TARBP2: variants seen among roughly 807,000 people sequenced by gnomAD.
The protein encoded by TARBP2 is RISC-loading complex subunit TARBP2.
In TARBP2, 23 loss-of-function variants were observed where a neutral mutation model predicts 40.4. The observed-to-expected ratio is 0.57, with a 90% CI of 0.41 to 0.81. The LOEUF is 0.81. Among genes scored for constraint, TARBP2 ranks in the 30% least tolerant of loss-of-function variants. The pLI, the probability that TARBP2 is intolerant of heterozygous loss-of-function variation, is 0.00. For missense variants in TARBP2, 358 were observed against 473.7 expected, an observed-to-expected ratio of 0.76 and a Z score of 2.27; for synonymous variants, 183 against 190.5, an observed-to-expected ratio of 0.96 and a Z score of 0.32.
chr12:53,502,797 C>A, intron 2 of TARBP2: 1 of 407,572 alleles, frequency 2.5e-6, no homozygotes, highest in Non-Finnish European at 4.5e-6. Context: ...CCACCCAAGG[C>A]GTTTGAGCTC....
intron 1 of TARBP2, 147 bp downstream of exon 1, chr12:53,501,608 G>T: frequency 6.8e-7 from 1 of 1,471,276 alleles, no homozygotes. Flanking sequence ...CGTGCACCGG[G>T]GCAGTGGCTG....
chr12:53,503,538 C>T (rs1222137335), intron 3 of TARBP2, 175 bp from the exon 4 acceptor site: 7 of 602,060 alleles, frequency 1.2e-5, no homozygotes, highest in South Asian at 6.1e-5. Flanking sequence ...GTCTTTTCGC[C>T]GGTGTTTGGC....
At chr12:53,502,377 G>T in intron 2 of TARBP2, 193 bp downstream of exon 2, 1 of 666,818 alleles carries the variant, frequency 1.5e-6, no homozygotes, top group Non-Finnish European at 2.5e-6. Flanking sequence ...GAGAGTTAGA[G>T]GAGCGAGCAG....
Position 53,505,353 on chromosome 12 carries a change from C to T in TARBP2, c.741+91C>T. On this transcript the variant is annotated intron_variant, in intron 7 of 8. Transcript: ENST00000266987. This position sits in a 1 kb window ranked among gnomAD's most constrained non-coding sequence, Gnocchi z 4.5. ...TTGGGTCTGTGACTCAGCAGTGAGC[C>T]TCTCTGGGCCCTAGGTCTGCTTCTG... The T allele has an allele frequency of 6.7e-7, 1 of 1,495,778 alleles. No homozygotes were observed. The highest frequency in any genetic ancestry group is 8.9e-7 in the Non-Finnish European group (1 of 1,118,930). 92.7% of individuals were successfully genotyped at this position (1,495,778 alleles called of 1,614,324 possible). A position where few individuals can be genotyped will look rare whatever the true frequency, so the allele number is the denominator to read the frequency against.
intron 1 of TARBP2, 129 bp downstream of exon 1, chr12:53,501,590 G>T (rs1440261234): frequency 3.4e-6 from 5 of 1,487,180 alleles, no homozygotes; most frequent in Non-Finnish European, 3.6e-6. Flanking sequence ...GTGGGCAGTG[G>T]TTCCCGGCGT....
chr12:53,506,075 C>T lies in TARBP2; in HGVS notation c.1028C>T (p.Thr343Ile). ...ACTGTGTGTCATGGCTCTGCAACCA[C>T]CAGGGAGGCAGCCCGTGGTGAGGCT... ...PATVCHGSAT[T>I]REAARGEAAR... Residue 343 changes from threonine (T) to isoleucine (I), a missense_variant, in exon 9 of 9, where the codon ACC (threonine) becomes ATC (isoleucine). Transcript: ENST00000266987. 6.2e-7 allele frequency: 1 copy of T among 1,614,042 alleles called. No homozygotes were observed. The highest frequency in any genetic ancestry group is 8.5e-7 in the Non-Finnish European group (1 of 1,180,020).
chr12:53,501,471 C>T lies in TARBP2; in HGVS notation c.53+10C>T, dbSNP rs1298714282. ...GCTGCGGGCTGCCTAGGTGAGCCGT[C>T]TCGTACCGATTCCTTCAGGGCGAAA... On this transcript the variant is annotated intron_variant, in intron 1 of 8. Coordinates refer to ENST00000266987, the MANE Select transcript of TARBP2 (RefSeq NM_134323.2). 1 of 1,563,332 alleles carries T rather than the reference C, an allele frequency of 6.4e-7. No homozygotes were observed. The highest frequency in any genetic ancestry group is 2.4e-5 in the East Asian group (1 of 41,932).
At chr12:53,501,781 G>A in intron 1 of TARBP2, 1 of 1,380,058 alleles carries the variant, frequency 7.2e-7, no homozygotes, top group Non-Finnish European at 9.5e-7. Context: ...GCACAGGATC[G>A]TGCCCACCTT....
At chr12:53,504,496 A>G (rs903414675) in intron 5 of TARBP2, 27 bp downstream of exon 5, 9 of 1,609,856 alleles carry the variant, frequency 5.6e-6, no homozygotes, top group Middle Eastern at 1.7e-4. Context: ...TTTCCCATGC[A>G]TGCCTGTCTT....
chr12:53,504,093 G>A (rs933217636), intron 4 of TARBP2: 3 of 569,498 alleles, frequency 5.3e-6, no homozygotes, highest in Admixed American at 3.3e-5. Context: ...CTGTGTTTGA[G>A]GCCCATCAGG....
Position 53,506,351 on chromosome 12 carries a change from A to T in TARBP2, c.*203A>T, listed in dbSNP as rs1943986717. 5 of 609,572 alleles carry T rather than the reference A, an allele frequency of 8.2e-6. No individual in the cohort carries two copies. The South Asian group carries it at 9.0e-5, about 11-fold the overall frequency. 37.8% of individuals were successfully genotyped at this position (609,572 alleles called of 1,614,324 possible). A position where few individuals can be genotyped will look rare whatever the true frequency, so the allele number is the denominator to read the frequency against. ...CCAGCCCAGGATCCGTCCTCATTTT[A>T]TTGGTGATGATGAATGGGAATGAAA... On this transcript the variant is annotated 3_prime_UTR_variant, in exon 9 of 9. Transcript: ENST00000266987.
rs1943825452 is a variant in TARBP2, at chr12:53,503,694, CCCCCTT to C, written c.327-13_327-8del. ...CCTATACATGGGTGTGAATCAAAGG[CCCCCTT>C]CCCCTCGGGAAGTTCTTTTTCTCCC... On this transcript the variant is annotated splice_polypyrimidine_tract_variant and intron_variant, in intron 3 of 8. Coordinates refer to ENST00000266987, the MANE Select transcript of TARBP2 (RefSeq NM_134323.2). 1 of 1,590,976 alleles carries C rather than the reference CCCCCTT, an allele frequency of 6.3e-7. No individual in the cohort carries two copies. Among genetic ancestry groups the C allele is most frequent in the African/African-American group, 1.3e-5 (1 of 74,462 alleles).
chr12:53,503,604 A>G, intron 3 of TARBP2, 109 bp from the exon 4 acceptor site: 2 of 777,260 alleles, frequency 2.6e-6, no homozygotes, highest in South Asian at 3.3e-5. Context: ...CTTTGGCTCA[A>G]TTTGGAAGTT....
At chr12:53,501,692 CA>C in intron 1 of TARBP2, 2 of 1,435,166 alleles carry the variant, frequency 1.4e-6, no homozygotes, top group South Asian at 3.0e-5. Context: ...TTTATGCCCC[CA>C]CATTCAGTGC....
rs1329589944 is a variant in TARBP2 at position 53,505,084 on chromosome 12, G to A, written c.614-51G>A. 6.4e-7 allele frequency: 1 copy of A among 1,557,052 alleles called. No individual in the cohort carries two copies. ...CAATCCAAGTATGACCTGGGTGGAA[G>A]CACTGGGTCTGTGGGGAATCATAAC... On this transcript the variant is annotated intron_variant, in intron 6 of 8. Transcript: ENST00000266987. The surrounding 1 kb of genome is among the most constrained non-coding windows in gnomAD (Gnocchi z 4.5).
At chr12:53,501,076 A>G, upstream of TARBP2, 1 of 369,478 alleles carries the variant, frequency 2.7e-6, no homozygotes, top group Non-Finnish European at 5.1e-6. Flanking sequence ...ACGGACCGGG[A>G]GAGAGGGGGC....
intron 3 of TARBP2, chr12:53,503,330 C>T (rs1943806055): frequency 5.5e-6 from 7 of 1,266,982 alleles, no homozygotes; most frequent in Non-Finnish European, 7.3e-6. Flanking sequence ...TGGTTAGCCC[C>T]ATAGAGGGGT....
rs1943792595 is a variant in TARBP2, at chr12:53,503,089, A to C, written c.286A>C (p.Lys96Gln). 2 of 1,550,998 alleles carry C rather than the reference A, an allele frequency of 1.3e-6. No individual in the cohort carries two copies. The highest frequency in any genetic ancestry group is 3.3e-4 in the Middle Eastern group (2 of 5,976). Residue 96 changes from lysine to glutamine, a missense_variant, in exon 3 of 9, where the codon AAA becomes CAA. Physicochemically the swap from Lys to Gln is moderately conservative, Grantham distance 53 (BLOSUM62 1). Around this residue, in one of 3 missense-constraint regions of TARBP2, gnomAD observed 317 missense variants for 422.9 expected, o/e 0.75. Transcript: ENST00000266987. ...AGCTGAGGTGGCCCTCAAACACCTC[A>C]AAGGGGGGAGCATGCTGGAGCCGGC... ...KAAEVALKHL[K>Q]GGSMLEPALE...
chr12:53,504,425 G>A lies in TARBP2; in HGVS notation c.451G>A (p.Val151Ile). ...RSPPMELQPP[V>I]SPQQSECNPV... is the part of the protein sequence containing the mutation. ...CCCCCCCATGGAACTGCAGCCCCCT[G>A]TCTCCCCTCAGCAGTCTGAGTGCAA... Residue 151 changes from valine to isoleucine, a missense_variant, in exon 5 of 9, where the codon GTC becomes ATC. This residue lies in a region of TARBP2 where 317 missense variants were observed against 422.9 expected (regional missense o/e 0.75). Transcript: ENST00000266987. 6.2e-7 allele frequency: 1 copy of A among 1,610,490 alleles called. No individual in the cohort carries two copies. The highest frequency in any genetic ancestry group is 8.5e-7 in the Non-Finnish European group (1 of 1,178,430).
Sources: allele counts gnomAD v4.1 joint callset, GRCh38; gene constraint gnomAD v4.1.1; regional missense constraint gnomAD v4.1.1; non-coding constraint Gnocchi (gnomAD v3.1); transcripts MANE v1.5; gene names NCBI Gene and HGNC (gene_info 2026-07-23, HGNC 2026-07-21).